Variants in MTUS1 observed in about 807,000 individuals in gnomAD.
MTUS1 encodes microtubule associated scaffold protein 1.
A neutral mutation model predicts 120.8 loss-of-function variants in MTUS1; 109 were observed. The observed-to-expected ratio is 0.90, with a 90% CI of 0.77 to 1.06. The LOEUF is 1.06. MTUS1 is among the 50% of genes least tolerant of loss of function. The pLI is 0.00. For synonymous variants in MTUS1, 737 were observed against 550.5 expected, an observed-to-expected ratio of 1.34 and a Z score of -4.74; for missense variants, 2,210 against 1,486.3, an observed-to-expected ratio of 1.49 and a Z score of -8.01.
chr8:17,655,926 A>G lies in MTUS1; in HGVS notation c.3045T>C (p.Tyr1015=), dbSNP rs1297694411. ...CAATGTAAGTGTCCCGAAGCTTTTC[A>G]TACTCCCTGGTGTAAAACTCTTTAA... The part of the protein sequence containing the change: ...NRLKEFYTRE[Y]EKLRDTYIEE... The change falls in exon 9 of 15, where the codon TAT becomes TAC. Residue 1015 remains tyrosine (Y), a synonymous_variant. Coordinates refer to ENST00000693296, the MANE Select transcript of MTUS1 (RefSeq NM_001363059.2). The G allele has an allele frequency of 6.2e-7, 1 of 1,614,156 alleles. No individual in the cohort carries two copies. The highest frequency in any genetic ancestry group is 1.1e-5 in the South Asian group (1 of 91,072).
intron 1 of MTUS1, among the ~76,000 whole-genome samples, chr8:17,767,846 C>T (rs2049680740): frequency 6.6e-6 from 1 of 152,060 alleles, no homozygotes; most frequent in African/African-American, 2.4e-5. Flanking sequence ...TGGGAGTCTG[C>T]CAAAGGAGTT....
chr8:17,683,494 G>C (rs1815066797), intron 7 of MTUS1, among the ~76,000 whole-genome samples: 1 of 151,992 alleles, frequency 6.6e-6, no homozygotes, highest in Admixed American at 6.6e-5. Flanking sequence ...TTTTCCCTAT[G>C]TTGCTCAGGC....
chr8:17,733,221 G>A (rs1001819619), intron 3 of MTUS1, among the ~76,000 whole-genome samples: 1 of 151,966 alleles, frequency 6.6e-6, no homozygotes, highest in Non-Finnish European at 1.5e-5. Flanking sequence ...CGTGGTGGCA[G>A]GCACCTACAA....
chr8:17,773,587 C>A (rs900029598), intron 1 of MTUS1, among the ~76,000 whole-genome samples: 1 of 152,148 alleles, frequency 6.6e-6, no homozygotes, highest in African/African-American at 2.4e-5. Context: ...CTTGCTGTGT[C>A]ATAACATGGA....
chr8:17,721,910 A>C (rs1206588828), intron 4 of MTUS1: 5 of 1,611,374 alleles, frequency 3.1e-6, no homozygotes, highest in Admixed American at 1.7e-5. Context: ...ATTTAAAAGG[A>C]TCAAAGCAAG....
At chr8:17,668,594 CT>C (rs1267356072) in intron 8 of MTUS1, among the ~76,000 whole-genome samples, 2 of 152,198 alleles carry the variant, frequency 1.3e-5, no homozygotes, top group Non-Finnish European at 2.9e-5. Context: ...TACAGCTCTC[CT>C]TTATGACTAT....
rs1413454378 is a variant in MTUS1, at chr8:17,644,176, C to T, written c.*1750G>A. 3 of 152,218 alleles carry T rather than the reference C, an allele frequency of 2.0e-5. No homozygotes were observed. The highest frequency in any genetic ancestry group is 4.4e-5 in the Non-Finnish European group (3 of 68,042). 9.4% of individuals were successfully genotyped at this position (152,218 alleles called of 1,614,324 possible). On this transcript the variant is annotated 3_prime_UTR_variant, in exon 15 of 15. Coordinates refer to ENST00000693296, the MANE Select transcript of MTUS1 (RefSeq NM_001363059.2). ...TGAGCAGAGATATCTCATGAAGTGG[C>T]AGTGAACCTACATTTCCATTTATCA...
intron 5 of MTUS1, among the ~76,000 whole-genome samples, chr8:17,714,158 C>G (rs1430921985): frequency 6.6e-6 from 1 of 152,132 alleles, no homozygotes; most frequent in Non-Finnish European, 1.5e-5. Context: ...TCATTTGGTG[C>G]CTCCGAAATT....
chr8:17,723,114 TA>T, intron 4 of MTUS1: 1 of 162,000 alleles, frequency 6.2e-6, no homozygotes, highest in East Asian at 1.8e-4. Flanking sequence ...TGGGGAAGTA[TA>T]AAAAAGGAAA....
At chr8:17,740,032 C>T (rs1043580216) in intron 3 of MTUS1, among the ~76,000 whole-genome samples, 3 of 151,960 alleles carry the variant, frequency 2.0e-5, no homozygotes, top group African/African-American at 7.3e-5. Context: ...ATGGTGAAAC[C>T]CTGTCTCTAC....
At chr8:17,738,018 CAAGA>C (rs1455600785) in intron 3 of MTUS1, among the ~76,000 whole-genome samples, 1 of 152,094 alleles carries the variant, frequency 6.6e-6, no homozygotes, top group African/African-American at 2.4e-5. Context: ...AATAACTTAG[CAAGA>C]AAGAAGAGAA....
intron 2 of MTUS1, chr8:17,748,331 A>T (rs1204852837): frequency 1.3e-5 from 2 of 152,236 alleles, no homozygotes; most frequent in African/African-American, 4.8e-5. Flanking sequence ...CTCTGCTGAG[A>T]GCCACTTTCA....
intron 8 of MTUS1, among the ~76,000 whole-genome samples, chr8:17,671,972 A>C (rs931295335): frequency 2.0e-5 from 3 of 152,160 alleles, no homozygotes; most frequent in Non-Finnish European, 2.9e-5. Flanking sequence ...TACTGATTTC[A>C]TATCACCAGC....
chr8:17,690,822 C>T (rs1446106616), intron 6 of MTUS1, among the ~76,000 whole-genome samples: 1 of 152,010 alleles, frequency 6.6e-6, no homozygotes, highest in Non-Finnish European at 1.5e-5. Flanking sequence ...AAAGGACCCT[C>T]GTGTACTAAA....
chr8:17,749,222 T>C (rs1288732843), intron 2 of MTUS1, among the ~76,000 whole-genome samples: 5 of 152,132 alleles, frequency 3.3e-5, no homozygotes, highest in African/African-American at 1.2e-4. Flanking sequence ...ATAAGCAACA[T>C]TTACAATCAA....
At chr8:17,785,321 C>T (rs2051215095) in intron 1 of MTUS1, among the ~76,000 whole-genome samples, 1 of 152,180 alleles carries the variant, frequency 6.6e-6, no homozygotes, top group Non-Finnish European at 1.5e-5. Context: ...TCCACTGTTA[C>T]AGATATGGAG....
intron 3 of MTUS1, 95 bp from the exon 4 acceptor site, chr8:17,723,928 C>G: frequency 1.0e-6 from 1 of 985,604 alleles, no homozygotes; most frequent in South Asian, 1.7e-5. Context: ...GCACTAACAA[C>G]AAAGTCAAAA....
In MTUS1 at chr8:17,660,065, TG is replaced by T. The variant is rs772752922; in HGVS notation, c.2906-4001del. 9.9e-5 allele frequency among the ~76,000 whole-genome samples: 15 copies of T among 152,214 alleles called. No individual in the cohort carries two copies. The East Asian group carries it at 2.3e-3, about 24-fold the overall frequency. On this transcript the variant is annotated intron_variant, in intron 8 of 14. Coordinates refer to ENST00000693296, the MANE Select transcript of MTUS1 (RefSeq NM_001363059.2). Reference sequence around the variant, plus strand: ...GGATGTGTCACAATTTCCTTCCTTTTGAAGGCTCAATATTATTCCATTGTTG... The same window carrying T: ...GGATGTGTCACAATTTCCTTCCTTTTAAGGCTCAATATTATTCCATTGTTG...
chr8:17,690,267 T>G (rs539852971), intron 6 of MTUS1, among the ~76,000 whole-genome samples: 2 of 152,068 alleles, frequency 1.3e-5, no homozygotes, highest in South Asian at 2.1e-4. Flanking sequence ...ATGGAAAAAG[T>G]AGAACATACG....
Sources: gnomAD v4.1 joint callset for allele counts (sites outside exome capture counted in the v4.1 genomes callset) on GRCh38, gnomAD v4.1.1 for gene constraint, MANE v1.5 for transcripts, NCBI Gene and HGNC (gene_info 2026-07-23, HGNC 2026-07-21) for gene names.